AHDC1: variants seen among roughly 807,000 people sequenced by gnomAD.
The protein encoded by AHDC1 is transcription factor Gibbin.
Under a neutral mutation model 87.9 loss-of-function variants are expected in AHDC1, and 7 were observed. That is an observed-to-expected ratio of 0.08 (90% confidence interval 0.05 to 0.15). The LOEUF (loss-of-function observed/expected upper bound fraction) is 0.15. AHDC1 is among the 10% of genes least tolerant of loss of function. The probability of loss-of-function intolerance (pLI) is 1.00; values close to 1 mark genes in which losing one functional copy is unlikely to be tolerated. For missense variants in AHDC1, 1,841 were observed against 2,253.2 expected (o/e 0.82, Z 3.70); for synonymous variants, 1,051 against 1,006.8 (o/e 1.04, Z -0.83).
chr1:27,552,170 C>A lies in AHDC1; in HGVS notation c.-55G>T. On this transcript the variant is annotated 5_prime_UTR_variant, in exon 8 of 9. Transcript: ENST00000673934. The stretch of plus-strand genomic sequence containing the variant: ...CGGGGCCGGGGCTGACATGAGGGTG[C>A]GAGAAGCCGGGACCAGGACCTGCCA... 1.4e-6 allele frequency: 2 copies of A among 1,424,766 alleles called. No individual in the cohort carries two copies. The highest frequency in any genetic ancestry group is 1.8e-6 in the Non-Finnish European group (2 of 1,091,900). 88.3% of individuals were successfully genotyped at this position (1,424,766 alleles called of 1,614,324 possible).
intron 5 of AHDC1, among the ~76,000 whole-genome samples, chr1:27,554,244 C>G (rs2019722323): frequency 6.6e-6 from 1 of 152,206 alleles, no homozygotes; most frequent in Non-Finnish European, 1.5e-5. Flanking sequence ...CTTCTTCCAC[C>G]TTCATCGGAA....
intron 8 of AHDC1, among the ~76,000 whole-genome samples, chr1:27,546,848 G>C (rs1475944065): frequency 6.6e-6 from 1 of 152,116 alleles, no homozygotes; most frequent in Non-Finnish European, 1.5e-5. Flanking sequence ...CGTCCAACCT[G>C]CTTCTCCCTT....
At chr1:27,577,216 C>T (rs1349988940) in intron 3 of AHDC1, among the ~76,000 whole-genome samples, 1 of 152,194 alleles carries the variant, frequency 6.6e-6, no homozygotes, top group East Asian at 1.9e-4. Context: ...GGGATAGGAT[C>T]ATAAATGAGG....
chr1:27,562,657 C>T lies in AHDC1; in HGVS notation c.-628-3774G>A, dbSNP rs1372722661. On this transcript the variant is annotated intron_variant, in intron 3 of 8. Transcript: ENST00000673934. The surrounding 1 kb of genome is among the most constrained non-coding windows in gnomAD (Gnocchi z 4.4). ...GGGACTGAGCACCCCCCAGCTCCCACTTGTCCCTCTGCTCAGGGCCCTAAG... is the reference window on the plus strand; with the variant it reads ...GGGACTGAGCACCCCCCAGCTCCCATTTGTCCCTCTGCTCAGGGCCCTAAG... Among the ~76,000 whole-genome samples, 1 of 152,220 alleles carries T rather than the reference C, an allele frequency of 6.6e-6. No individual in the cohort carries two copies. The highest frequency in any genetic ancestry group is 1.5e-5 in the Non-Finnish European group (1 of 68,042).
At chr1:27,557,419 C>A (rs922133738) in intron 5 of AHDC1, among the ~76,000 whole-genome samples, 1 of 151,966 alleles carries the variant, frequency 6.6e-6, no homozygotes, top group Non-Finnish European at 1.5e-5. Flanking sequence ...TGTTCCACGC[C>A]CCCCCGCTCC....
At chr1:27,575,636 C>T (rs2088703071) in intron 3 of AHDC1, among the ~76,000 whole-genome samples, 1 of 151,616 alleles carries the variant, frequency 6.6e-6, no homozygotes, top group South Asian at 2.1e-4. Context: ...CCAAGGCTCC[C>T]CGAAGGAGAG....
At chr1:27,557,539 G>C (rs1281316620) in intron 5 of AHDC1, among the ~76,000 whole-genome samples, 1 of 152,140 alleles carries the variant, frequency 6.6e-6, no homozygotes, top group Non-Finnish European at 1.5e-5. Context: ...TCAGCTCAAG[G>C]CTTGCCCAAC....
At chr1:27,566,405 AAG>A (rs2020315750) in intron 3 of AHDC1, among the ~76,000 whole-genome samples, 1 of 151,772 alleles carries the variant, frequency 6.6e-6, no homozygotes, top group African/African-American at 2.4e-5. Flanking sequence ...AAAAAGACAA[AAG>A]AGAGAGACAG....
chr1:27,547,454 G>A lies in AHDC1; in HGVS notation c.4662C>T (p.Asp1554=), dbSNP rs748688517. ...SDLTLSPVPR[D]SLLPLQDTAY... ...CGGTGTCCTGCAGGGGCAGCAGCGA[G>A]TCCCTCGGCACGGGGGACAGGGTCA... Residue 1554 remains aspartate (D), a synonymous_variant, in exon 8 of 9, where the codon GAC becomes GAT. Coordinates refer to ENST00000673934, the MANE Select transcript of AHDC1 (RefSeq NM_001371928.1). This position sits in a 1 kb window ranked among gnomAD's most constrained non-coding sequence, Gnocchi z 4.9. 6.3e-6 allele frequency: 10 copies of A among 1,592,072 alleles called. No homozygotes were observed. The East Asian group carries it at 2.0e-4, about 32-fold the overall frequency.
intron 3 of AHDC1, among the ~76,000 whole-genome samples, chr1:27,586,770 A>T (rs2089070849): frequency 6.6e-6 from 1 of 151,990 alleles, no homozygotes; most frequent in African/African-American, 2.4e-5. Context: ...TCCCCAGGGC[A>T]CTCCAAGCCC....
rs1404680663 is a variant in AHDC1 at position 27,590,936 on chromosome 1, G to C, written c.-629+12461C>G. 6.6e-6 allele frequency among the ~76,000 whole-genome samples: 1 copy of C among 152,198 alleles called. No homozygotes were observed. Among genetic ancestry groups the C allele is most frequent in the Non-Finnish European group, 1.5e-5 (1 of 68,022 alleles). The stretch of plus-strand genomic sequence containing the variant: ...AGCAGTTGGAGAGCAGGTTTGCTAA[G>C]AGACTAAGGTTGAGGAGGAGAAACG... On this transcript the variant is annotated intron_variant, in intron 3 of 8. Transcript: ENST00000673934. This position sits in a 1 kb window ranked among gnomAD's most constrained non-coding sequence, Gnocchi z 5.4.
At position 27,551,127 on chromosome 1, in the gene AHDC1, T is replaced by G; in HGVS notation, c.989A>C (p.Asp330Ala). 1 of 1,588,104 alleles carries G rather than the reference T, an allele frequency of 6.3e-7. No homozygotes were observed. Among genetic ancestry groups the G allele is most frequent in the African/African-American group, 1.4e-5 (1 of 73,112 alleles). ...LPDSLESQLLDPQALDPLPKL... is the reference protein window; with the variant it reads ...LPDSLESQLLAPQALDPLPKL... ...GGGCAGGGGGTCGAGTGCCTGGGGG[T>G]CAAGCAGCTGCGACTCCAAGGAGTC... The change falls in exon 8 of 9, where the codon GAC (aspartate) becomes GCC (alanine). Residue 330 changes from aspartate (D) to alanine (A), a missense_variant. By Grantham distance (126) the Asp-to-Ala change is moderately radical. Coordinates refer to ENST00000673934, the MANE Select transcript of AHDC1 (RefSeq NM_001371928.1).
rs1157548059 is a variant in AHDC1 at position 27,547,147 on chromosome 1, C to G, written c.*43+114G>C. ...ACCCTGCTCTCAGTCCCCAGCCTTG[C>G]CCTTAAATCCTGCATTTGCTTCCTG... On this transcript the variant is annotated intron_variant, in intron 8 of 8. Transcript: ENST00000673934. The surrounding 1 kb of genome is among the most constrained non-coding windows in gnomAD (Gnocchi z 4.9). 1 of 715,270 alleles carries G rather than the reference C, an allele frequency of 1.4e-6. No individual in the cohort carries two copies. The highest frequency in any genetic ancestry group is 1.8e-5 in the African/African-American group (1 of 56,388). 44.3% of individuals were successfully genotyped at this position (715,270 alleles called of 1,614,324 possible). A position where few individuals can be genotyped will look rare whatever the true frequency, so the allele number is the denominator to read the frequency against.
At chr1:27,569,640 C>T (rs1424898407) in intron 3 of AHDC1, among the ~76,000 whole-genome samples, 2 of 152,292 alleles carry the variant, frequency 1.3e-5, no homozygotes, top group East Asian at 1.9e-4. Context: ...CTAAGCTTCC[C>T]CAGCCCTGAT....
rs923636215 is a variant in AHDC1, at chr1:27,563,560, G to A, written c.-628-4677C>T. On this transcript the variant is annotated intron_variant, in intron 3 of 8. Coordinates refer to ENST00000673934, the MANE Select transcript of AHDC1 (RefSeq NM_001371928.1). This position sits in a 1 kb window ranked among gnomAD's most constrained non-coding sequence, Gnocchi z 6.1. Reference sequence around the variant, plus strand: ...CCCACCTCACCCCTCCCCCATCACTGTCACCAGCCTGGGTGGTGCCGTCCC... The same window carrying A: ...CCCACCTCACCCCTCCCCCATCACTATCACCAGCCTGGGTGGTGCCGTCCC... 6.6e-6 allele frequency among the ~76,000 whole-genome samples: 1 copy of A among 152,020 alleles called. No individual in the cohort carries two copies. The highest frequency in any genetic ancestry group is 1.5e-5 in the Non-Finnish European group (1 of 67,986).
At chr1:27,573,377 C>G (rs545917979) in intron 3 of AHDC1, among the ~76,000 whole-genome samples, 1 of 152,220 alleles carries the variant, frequency 6.6e-6, no homozygotes, top group East Asian at 1.9e-4. Flanking sequence ...TCATAGTTCC[C>G]CAGTGGGAGC....
intron 3 of AHDC1, among the ~76,000 whole-genome samples, chr1:27,578,172 G>A (rs910443246): frequency 2.0e-5 from 3 of 152,174 alleles, no homozygotes; most frequent in Admixed American, 6.5e-5. Context: ...TGTGCTGTAA[G>A]TACAAAATAT....
At chr1:27,554,873 C>T (rs1234076037) in intron 5 of AHDC1, among the ~76,000 whole-genome samples, 1 of 152,266 alleles carries the variant, frequency 6.6e-6, no homozygotes, top group Non-Finnish European at 1.5e-5. Context: ...AGCACCTACA[C>T]ATCTGTGACC....
At position 27,593,902 on chromosome 1, in the gene AHDC1, C is replaced by A. The variant is rs1337911165; in HGVS notation, c.-629+9495G>T. The stretch of plus-strand genomic sequence containing the variant: ...CTTGGGGACCCTTCCCACAGCACTG[C>A]AGTTGCTTCTTCTTTAGGGTCTTGG... On this transcript the variant is annotated intron_variant, in intron 3 of 8. Coordinates refer to ENST00000673934, the MANE Select transcript of AHDC1 (RefSeq NM_001371928.1). The surrounding 1 kb of genome is among the most constrained non-coding windows in gnomAD (Gnocchi z 4.9). 6.6e-6 allele frequency among the ~76,000 whole-genome samples: 1 copy of A among 152,234 alleles called. No homozygotes were observed. The highest frequency in any genetic ancestry group is 1.5e-5 in the Non-Finnish European group (1 of 68,028).
Sources: allele counts gnomAD v4.1 joint callset (sites outside exome capture counted in the v4.1 genomes callset), GRCh38; gene constraint gnomAD v4.1.1; non-coding constraint Gnocchi (gnomAD v3.1); transcripts MANE v1.5; gene names NCBI Gene and HGNC (gene_info 2026-07-23, HGNC 2026-07-21).